Variants in E4F1 observed in about 807,000 individuals in gnomAD.
E4F1 encodes the protein transcription factor E4F1.
In E4F1, 30 loss-of-function variants were observed where a neutral mutation model predicts 72.9. The observed-to-expected ratio is 0.41, with a 90% CI of 0.31 to 0.56. E4F1 has a LOEUF of 0.56. E4F1 is among the 20% of genes least tolerant of loss of function. E4F1 has a pLI of 0.25. For synonymous variants in E4F1, 542 were observed against 478.2 expected (o/e 1.13, Z -1.74); for missense variants, 1,091 against 1,117.5 (o/e 0.98, Z 0.34).
chr16:2,233,080 C>T lies in E4F1; in HGVS notation c.953C>T (p.Ser318Leu). 3 of 1,612,738 alleles carry T rather than the reference C, an allele frequency of 1.9e-6. No homozygotes were observed. The highest frequency in any genetic ancestry group is 2.5e-6 in the Non-Finnish European group (3 of 1,179,596). Residue 318 changes from serine to leucine, a missense_variant, in exon 7 of 14, where the codon TCA (serine) becomes TTA (leucine). This residue lies in a region of E4F1 where 101 missense variants were observed against 97.4 expected (regional missense o/e 1.04). Coordinates refer to ENST00000301727, the MANE Select transcript of E4F1 (RefSeq NM_004424.5). ...GTGACAGGCGAGCCTATAGAGACTT[C>T]ACCCGTGATTCACCTGGTGACAGAT... ...SSVTGEPIET[S>L]PVIHLVTDAK...
chr16:2,233,708 G>A lies in E4F1; in HGVS notation c.1266+61G>A, dbSNP rs372663046. On this transcript the variant is annotated intron_variant, in intron 8 of 13. Transcript: ENST00000301727. ...GCTGGATCCCAGGGGCTGTCCCCAC[G>A]CTGGCCTTCGCCTCCCTGAAGTGGC... 452 of 1,498,096 alleles carry A rather than the reference G, an allele frequency of 3.0e-4. 2 individuals are homozygous for A. In the African/African-American group the frequency reaches 4.6e-3, roughly 15 times the overall value. 92.8% of individuals were successfully genotyped at this position (1,498,096 alleles called of 1,614,324 possible).
At position 2,235,357 on chromosome 16, in the gene E4F1, G is replaced by T. The variant is rs745771766; in HGVS notation, c.2140G>T (p.Ala714Ser). 4.3e-6 allele frequency: 7 copies of T among 1,609,532 alleles called. No individual in the cohort carries two copies. The highest frequency in any genetic ancestry group is 1.3e-5 in the African/African-American group (1 of 74,938). ...EAAAADTITI[A>S]TPESLTEQVA... The stretch of plus-strand genomic sequence containing the variant: ...GGCTGCCGCCGACACCATCACCATC[G>T]CCACCCCCGAGAGCCTGACAGAGCA... Residue 714 changes from alanine to serine, a missense_variant, in exon 14 of 14, where the codon GCC (alanine) becomes TCC (serine). Ala to Ser is a moderately conservative substitution (Grantham distance 99). This residue lies in a region of E4F1 where 622 missense variants were observed against 628.0 expected (regional missense o/e 0.99). Coordinates refer to ENST00000301727, the MANE Select transcript of E4F1 (RefSeq NM_004424.5).
chr16:2,229,350 C>T (rs1014784923), intron 2 of E4F1, among the ~76,000 whole-genome samples: 6 of 150,766 alleles, frequency 4.0e-5, no homozygotes, highest in African/African-American at 1.2e-4. Flanking sequence ...AGAGTGACGG[C>T]GCTGACCCTG....
At chr16:2,234,423 C>T (rs745605757) in intron 10 of E4F1, 35 bp downstream of exon 10, 11 of 1,606,656 alleles carry the variant, frequency 6.8e-6, no homozygotes, top group Admixed American at 6.7e-5. Flanking sequence ...GGCGCCTGAT[C>T]CCCCCATCCT....
chr16:2,231,844 A>T (rs2093469479), intron 3 of E4F1: 3 of 324,528 alleles, frequency 9.2e-6, no homozygotes, highest in Non-Finnish European at 1.7e-5. Context: ...TCACCCAAGG[A>T]CCTTGTCACC....
chr16:2,234,147 G>A, intron 9 of E4F1, 24 bp from the exon 10 acceptor site: 1 of 1,609,194 alleles, frequency 6.2e-7, no homozygotes, highest in Non-Finnish European at 8.5e-7. Flanking sequence ...GATGGGCTTG[G>A]CCTGATGCTG....
intron 2 of E4F1, among the ~76,000 whole-genome samples, chr16:2,228,745 G>T (rs1450740371): frequency 6.6e-6 from 1 of 152,196 alleles, no homozygotes; most frequent in Non-Finnish European, 1.5e-5. Context: ...GGCAGCCTCT[G>T]GTCGAAGCCC....
chr16:2,235,100 A>G lies in E4F1; in HGVS notation c.1955A>G (p.Glu652Gly). The stretch of plus-strand genomic sequence containing the variant: ...GCCCAGGCCACTGCGGACGATGCGG[A>G]GACCAGTGAGGCCACGGAGATCATC... ...YIIEATADDA[E>G]TSEATEIIEG... is the part of the protein sequence containing the mutation. The change falls in exon 13 of 14, where the codon GAG (glutamate) becomes GGG (glycine). Residue 652 changes from glutamate to glycine, a missense_variant. Coordinates refer to ENST00000301727, the MANE Select transcript of E4F1 (RefSeq NM_004424.5). The G allele has an allele frequency of 6.2e-7, 1 of 1,612,296 alleles. No individual in the cohort carries two copies. The highest frequency in any genetic ancestry group is 8.5e-7 in the Non-Finnish European group (1 of 1,179,906).
At chr16:2,228,854 G>T (rs1225152378) in intron 2 of E4F1, among the ~76,000 whole-genome samples, 3 of 152,206 alleles carry the variant, frequency 2.0e-5, no homozygotes, top group Non-Finnish European at 2.9e-5. Flanking sequence ...CTTATCTTCT[G>T]TCCTGTGCAC....
intron 3 of E4F1, chr16:2,230,572 T>C (rs2093461857): frequency 6.6e-6 from 1 of 151,210 alleles, no homozygotes; most frequent in Non-Finnish European, 1.5e-5. Flanking sequence ...GGAAGTAGGT[T>C]TGGGCACCAG....
At chr16:2,223,886 C>T (rs2093414323) in intron 1 of E4F1, 116 bp downstream of exon 1, 14 of 1,532,388 alleles carry the variant, frequency 9.1e-6, no homozygotes, top group South Asian at 1.2e-5. Flanking sequence ...CCAGACACCT[C>T]GCGGATCTCG....
intron 3 of E4F1, 111 bp downstream of exon 3, chr16:2,229,786 G>A (rs981083139): frequency 1.6e-6 from 2 of 1,244,200 alleles, no homozygotes; most frequent in African/African-American, 1.5e-5. Context: ...GGCCTGGCTG[G>A]GAGGGGCCGC....
At chr16:2,228,233 C>G (rs1424437270) in intron 1 of E4F1, 139 bp from the exon 2 acceptor site, 63 of 1,191,252 alleles carry the variant, frequency 5.3e-5, no homozygotes, top group Non-Finnish European at 4.1e-5. Context: ...CGAGTGTGTT[C>G]TCAGCAGCCT....
rs1411434779 is a variant in E4F1, at chr16:2,232,029, C to T, written c.416-142C>T. ...GGTGAATGGGACCTTGGCTGTTGCT[C>T]GGACCTGTGTGTTGAGGGCTCAGTG... On this transcript the variant is annotated intron_variant, in intron 3 of 13. Coordinates refer to ENST00000301727, the MANE Select transcript of E4F1 (RefSeq NM_004424.5). 20 of 1,031,038 alleles carry T rather than the reference C, an allele frequency of 1.9e-5. No homozygotes were observed. In the South Asian group the frequency reaches 2.1e-4, roughly 11 times the overall value. 63.9% of individuals were successfully genotyped at this position (1,031,038 alleles called of 1,614,324 possible). A position where few individuals can be genotyped will look rare whatever the true frequency, so the allele number is the denominator to read the frequency against.
At chr16:2,229,727 C>T in intron 3 of E4F1, 52 bp downstream of exon 3, 1 of 1,593,514 alleles carries the variant, frequency 6.3e-7, no homozygotes, top group Non-Finnish European at 8.6e-7. Flanking sequence ...TGGTTGGGGC[C>T]AGAGGATGGG....
chr16:2,232,590 A>G lies in E4F1; in HGVS notation c.730+14A>G. 1 of 1,611,130 alleles carries G rather than the reference A, an allele frequency of 6.2e-7. No homozygotes were observed. On this transcript the variant is annotated intron_variant, in intron 5 of 13. Coordinates refer to ENST00000301727, the MANE Select transcript of E4F1 (RefSeq NM_004424.5). ...GGCGGCACACGGGTGAGCTGGCCGCACCTCGGGCTGGAGCCCGGTAGCACC... is the reference window on the plus strand; with the variant it reads ...GGCGGCACACGGGTGAGCTGGCCGCGCCTCGGGCTGGAGCCCGGTAGCACC...
At position 2,235,154 on chromosome 16, in the gene E4F1, G is replaced by C. The variant is rs1488283646; in HGVS notation, c.1998+11G>C. 6.2e-7 allele frequency: 1 copy of C among 1,611,542 alleles called. No individual in the cohort carries two copies. Among genetic ancestry groups the C allele is most frequent in the Non-Finnish European group, 8.5e-7 (1 of 1,179,770 alleles). ...GGCACCCAGACAGAGGTGAGGGGTA[G>C]GGCAGGCGGGGGCGGGGAGGCTCCC... On this transcript the variant is annotated intron_variant, in intron 13 of 13. Transcript: ENST00000301727.
intron 2 of E4F1, among the ~76,000 whole-genome samples, chr16:2,229,221 G>A (rs921708263): frequency 6.6e-6 from 1 of 152,246 alleles, no homozygotes; most frequent in African/African-American, 2.4e-5. Flanking sequence ...TCTGCCGGAT[G>A]TGGCGGGCTG....
rs1239266732 is a variant in E4F1, at chr16:2,235,598, G to A, written c.*26G>A. On this transcript the variant is annotated 3_prime_UTR_variant, in exon 14 of 14. Transcript: ENST00000301727. ...CATGAGGTCTGCGGGGTCCTGGCCG[G>A]GCAGGGACAGGGCAGAGGACTCTGA... 1.3e-6 allele frequency: 2 copies of A among 1,549,504 alleles called. No homozygotes were observed. The highest frequency in any genetic ancestry group is 1.7e-6 in the Non-Finnish European group (2 of 1,143,060).
Sources: allele counts gnomAD v4.1 joint callset (sites outside exome capture counted in the v4.1 genomes callset), GRCh38; gene constraint gnomAD v4.1.1; regional missense constraint gnomAD v4.1.1; transcripts MANE v1.5; gene names NCBI Gene and HGNC (gene_info 2026-07-23, HGNC 2026-07-21).